Variants in DNAJC15 observed in about 807,000 individuals in gnomAD.
DNAJC15 encodes DnaJ heat shock protein family (Hsp40) member C15.
DNAJC15 carries 27 observed loss-of-function variants against 22.4 expected under a neutral mutation model. The ratio of observed to expected loss-of-function variants is 1.20; its 90% CI spans 0.89 to 1.66. The LOEUF is 1.66. DNAJC15 is among the 40% of genes most tolerant of loss of function. The pLI is 0.00. For synonymous variants in DNAJC15, 79 were observed against 63.2 expected, an observed-to-expected ratio of 1.25 and a Z score of -1.19; for missense variants, 208 against 187.1, an observed-to-expected ratio of 1.11 and a Z score of -0.65.
chr13:43,070,432 A>C (rs1023398483), intron 3 of DNAJC15, among the ~76,000 whole-genome samples: 1 of 152,020 alleles, frequency 6.6e-6, no homozygotes, highest in Non-Finnish European at 1.5e-5. Context: ...AGGAGCTTAC[A>C]TGTTAGTGGA....
At chr13:43,036,836 T>C (rs1279697834) in intron 1 of DNAJC15, among the ~76,000 whole-genome samples, 2 of 152,244 alleles carry the variant, frequency 1.3e-5, no homozygotes, top group Admixed American at 1.3e-4. Context: ...TCTTAGTGCA[T>C]GCACACCCGG....
At chr13:43,105,942 C>T (rs192021301) in intron 5 of DNAJC15, among the ~76,000 whole-genome samples, 3 of 152,246 alleles carry the variant, frequency 2.0e-5, no homozygotes, top group African/African-American at 7.2e-5. Context: ...ATGATATATT[C>T]CATAAGTGTT....
chr13:43,033,235 G>A (rs78038351), intron 1 of DNAJC15, among the ~76,000 whole-genome samples: 2,677 of 152,290 alleles, frequency 0.018, 42 homozygotes, highest in Middle Eastern at 0.024. Context: ...AGACAATATA[G>A]TGAGACCCCA....
At chr13:43,033,856 C>T (rs576430992) in intron 1 of DNAJC15, among the ~76,000 whole-genome samples, 1 of 151,740 alleles carries the variant, frequency 6.6e-6, no homozygotes, top group East Asian at 1.9e-4. Context: ...TGGCAAAACC[C>T]GTCTCTACTA....
chr13:43,074,400 A>G (rs1233632777), intron 3 of DNAJC15, among the ~76,000 whole-genome samples: 1 of 152,214 alleles, frequency 6.6e-6, no homozygotes, highest in African/African-American at 2.4e-5. Flanking sequence ...AATCATTTGT[A>G]AGGTCCAGGA....
intron 1 of DNAJC15, among the ~76,000 whole-genome samples, chr13:43,055,095 G>A (rs371846193): frequency 6.9e-6 from 1 of 145,938 alleles, no homozygotes; most frequent in African/African-American, 2.6e-5. Flanking sequence ...GGGTGGAGAC[G>A]TCGTGGGGGA....
intron 5 of DNAJC15, among the ~76,000 whole-genome samples, chr13:43,090,698 CTTCT>C (rs1375438551): frequency 7.0e-6 from 1 of 143,040 alleles, no homozygotes; most frequent in East Asian, 2.0e-4. Context: ...TAAGATTAGT[CTTCT>C]TTCTTTCTTT....
chr13:43,099,855 C>G (rs1250848073), intron 5 of DNAJC15, among the ~76,000 whole-genome samples: 3 of 151,976 alleles, frequency 2.0e-5, no homozygotes, highest in African/African-American at 4.8e-5. Flanking sequence ...GTTTTAGTAT[C>G]TTTGCATCCA....
chr13:43,066,387 G>A (rs756179344), intron 2 of DNAJC15, among the ~76,000 whole-genome samples: 3 of 151,806 alleles, frequency 2.0e-5, no homozygotes, highest in Non-Finnish European at 4.4e-5. Flanking sequence ...CATTTTCAAA[G>A]CCAACAGCTT....
At chr13:43,056,045 G>A (rs1264952283) in intron 1 of DNAJC15, among the ~76,000 whole-genome samples, 4 of 152,006 alleles carry the variant, frequency 2.6e-5, no homozygotes, top group Middle Eastern at 3.2e-3. Flanking sequence ...TATTTGCATG[G>A]TTTTGAGGGT....
At chr13:43,077,719 G>A (rs775401945) in intron 3 of DNAJC15, among the ~76,000 whole-genome samples, 14 of 152,140 alleles carry the variant, frequency 9.2e-5, no homozygotes, top group Non-Finnish European at 1.6e-4. Context: ...AGTCCTTCAC[G>A]CCTGATGGGG....
chr13:43,096,521 A>G (rs556376979), intron 5 of DNAJC15, among the ~76,000 whole-genome samples: 9 of 152,338 alleles, frequency 5.9e-5, no homozygotes, highest in Non-Finnish European at 1.2e-4. Context: ...TCTGGAAACA[A>G]TGTCATATGA....
chr13:43,054,185 C>T (rs540321163), intron 1 of DNAJC15, among the ~76,000 whole-genome samples: 2 of 152,258 alleles, frequency 1.3e-5, no homozygotes, highest in Admixed American at 1.3e-4. Flanking sequence ...GTTTCCACTT[C>T]TGTTTAGTAT....
intron 1 of DNAJC15, among the ~76,000 whole-genome samples, chr13:43,050,439 A>G (rs55744574): frequency 0.24 from 36,165 of 151,870 alleles, 4,779 homozygotes; most frequent in Non-Finnish European, 0.3. Flanking sequence ...CCAAGCAGCC[A>G]GGACTACAGG....
Position 43,110,055 on chromosome 13 carries a change from C to T in DNAJC15, c.*2807C>T, listed in dbSNP as rs2040817294. The T allele has an allele frequency of 6.6e-6, 1 of 152,086 alleles. No individual in the cohort carries two copies. The highest frequency in any genetic ancestry group is 2.4e-5 in the African/African-American group (1 of 41,392). 9.4% of individuals were successfully genotyped at this position (152,086 alleles called of 1,614,324 possible). ...TATGTCCCAGTAATCATTTATTTTA[C>T]CCTCGAATCTGCAATTTGGATAGAA... On this transcript the variant is annotated 3_prime_UTR_variant, in exon 6 of 6. Transcript: ENST00000379221.
At chr13:43,039,862 T>C (rs2040445037) in intron 1 of DNAJC15, among the ~76,000 whole-genome samples, 1 of 151,970 alleles carries the variant, frequency 6.6e-6, no homozygotes, top group African/African-American at 2.4e-5. Flanking sequence ...CTACTAAAAA[T>C]ACAAAAGTTA....
intron 5 of DNAJC15, 30 bp downstream of exon 5, chr13:43,085,868 G>C: frequency 6.4e-7 from 1 of 1,572,784 alleles, no homozygotes; most frequent in Non-Finnish European, 8.7e-7. Context: ...TTCATAATAT[G>C]TATATCAAAA....
chr13:43,067,533 G>T (rs1475531802), intron 2 of DNAJC15, among the ~76,000 whole-genome samples: 1 of 152,090 alleles, frequency 6.6e-6, no homozygotes, highest in African/African-American at 2.4e-5. Context: ...ATTTTTTCCA[G>T]GGTCGTCTTT....
In DNAJC15 at chr13:43,041,545, G is replaced by T. The variant is rs1361223752; in HGVS notation, c.108+17811G>T. 4.6e-5 allele frequency among the ~76,000 whole-genome samples: 7 copies of T among 152,096 alleles called. No individual in the cohort carries two copies. The East Asian group carries it at 1.2e-3, about 25-fold the overall frequency. ...TTAACATGTCTTGTAGATGATCCCT[G>T]CCTCCCAACACACACATTGACTAGA... is the stretch of plus-strand genomic sequence containing the variant. On this transcript the variant is annotated intron_variant, in intron 1 of 5. Coordinates refer to ENST00000379221, the MANE Select transcript of DNAJC15 (RefSeq NM_013238.3).
Sources: allele counts gnomAD v4.1 joint callset (sites outside exome capture counted in the v4.1 genomes callset), GRCh38; gene constraint gnomAD v4.1.1; transcripts MANE v1.5; gene names NCBI Gene and HGNC (gene_info 2026-07-23, HGNC 2026-07-21).